Variants in RHOA observed in about 807,000 individuals in gnomAD.
The protein encoded by RHOA is transforming protein RhoA.
RHOA carries 3 observed loss-of-function variants against 17.5 expected under a neutral mutation model. The observed-to-expected ratio is 0.17, with a 90% CI of 0.08 to 0.44. RHOA has a LOEUF of 0.44. Among genes scored for constraint, RHOA ranks in the 20% least tolerant of loss-of-function variants. RHOA has a pLI of 0.99. For synonymous variants in RHOA, 98 were observed against 88.4 expected (o/e 1.11, Z -0.61); for missense variants, 56 against 242.3 (o/e 0.23, Z 5.10).
At chr3:49,388,011 T>C (rs1402097808) in intron 1 of RHOA, among the ~76,000 whole-genome samples, 1 of 151,820 alleles carries the variant, frequency 6.6e-6, no homozygotes, top group East Asian at 1.9e-4. Flanking sequence ...CTTTCTCTTT[T>C]TTTTTTTTTC....
intron 1 of RHOA, among the ~76,000 whole-genome samples, chr3:49,400,670 A>AT (rs1359785577): frequency 6.6e-6 from 1 of 151,464 alleles, no homozygotes. Context: ...GCAGTGAGCT[A>AT]TGATCATGCC....
chr3:49,409,559 C>T (rs2048897908), intron 1 of RHOA, among the ~76,000 whole-genome samples: 1 of 152,124 alleles, frequency 6.6e-6, no homozygotes, highest in Non-Finnish European at 1.5e-5. Flanking sequence ...GCTGATCAGT[C>T]TTTCTTCTCA....
chr3:49,393,392 A>AAC (rs1463097889), intron 1 of RHOA, among the ~76,000 whole-genome samples: 1 of 150,286 alleles, frequency 6.7e-6, no homozygotes, highest in Admixed American at 6.7e-5. Context: ...CTGCAGCCTC[A>AAC]ACCTCCCAGG....
chr3:49,408,012 T>C (rs2048863443), intron 1 of RHOA, among the ~76,000 whole-genome samples: 1 of 151,858 alleles, frequency 6.6e-6, no homozygotes, highest in African/African-American at 2.4e-5. Context: ...ATACAAAAAT[T>C]AGCTGAGCAC....
chr3:49,376,576 G>C (rs925077148), intron 1 of RHOA, among the ~76,000 whole-genome samples: 2 of 147,882 alleles, frequency 1.4e-5, no homozygotes, highest in Non-Finnish European at 1.5e-5. Context: ...CCAGGAGACA[G>C]AGCTTGCAGT....
intron 3 of RHOA, among the ~76,000 whole-genome samples, chr3:49,362,912 T>C (rs943645695): frequency 1.1e-4 from 16 of 152,020 alleles, no homozygotes; most frequent in African/African-American, 3.9e-4. Context: ...CAACACAAGG[T>C]AGTTTCACGG....
At chr3:49,362,023 TA>T (rs879621290) in intron 4 of RHOA, among the ~76,000 whole-genome samples, 475 of 140,096 alleles carry the variant, frequency 3.4e-3, no homozygotes, top group African/African-American at 4.0e-3. Flanking sequence ...CCCCATCTAT[TA>T]AAAAAAAAAA....
intron 1 of RHOA, among the ~76,000 whole-genome samples, chr3:49,410,033 G>C (rs370835418): frequency 6.6e-6 from 1 of 152,154 alleles, no homozygotes; most frequent in Non-Finnish European, 1.5e-5. Flanking sequence ...ATTGAAGGCA[G>C]GACCATCCAG....
intron 1 of RHOA, among the ~76,000 whole-genome samples, chr3:49,376,598 G>A (rs936535099): frequency 4.0e-5 from 6 of 148,876 alleles, no homozygotes; most frequent in Admixed American, 6.7e-5. Flanking sequence ...AGCCAAGATC[G>A]GGCCACTGCA....
chr3:49,376,112 A>AT (rs1385706717), intron 1 of RHOA, among the ~76,000 whole-genome samples: 1 of 151,946 alleles, frequency 6.6e-6, no homozygotes, highest in East Asian at 2.0e-4. Context: ...AAGTGCTGGG[A>AT]TTACAGGCGT....
At chr3:49,384,800 C>T (rs2048370280) in intron 1 of RHOA, among the ~76,000 whole-genome samples, 1 of 152,054 alleles carries the variant, frequency 6.6e-6, no homozygotes, top group South Asian at 2.1e-4. Flanking sequence ...GTGGCTCACG[C>T]CTGTAATCCA....
chr3:49,362,711 A>C (rs1419985095), intron 3 of RHOA, 85 bp from the exon 4 acceptor site: 1 of 1,161,740 alleles, frequency 8.6e-7, no homozygotes, highest in Admixed American at 2.3e-5. Flanking sequence ...TTGCAGAGAC[A>C]CTTTCTTTGT....
At position 49,410,678 on chromosome 3, in the gene RHOA, A is replaced by G. The variant is rs996854577; in HGVS notation, c.-3+1142T>C. On this transcript the variant is annotated intron_variant, in intron 1 of 4. Transcript: ENST00000418115. ...GGTGACAATCATCCGCATGGTACAC[A>G]TTACACATCTGGGTGATACTAAGTG... 2.6e-5 allele frequency among the ~76,000 whole-genome samples: 4 copies of G among 152,244 alleles called. No individual in the cohort carries two copies. The South Asian group carries it at 6.2e-4, about 24-fold the overall frequency.
rs1226669996 is a variant in RHOA at position 49,391,790 on chromosome 3, C to T, written c.-2-16199G>A. ...CCTCCCAAAGTGCTGGGATTACAGG[C>T]GTGAGCCACTGTGCCCGGCCTAATT... On this transcript the variant is annotated intron_variant, in intron 1 of 4. Coordinates refer to ENST00000418115, the MANE Select transcript of RHOA (RefSeq NM_001664.4). 4.7e-5 allele frequency among the ~76,000 whole-genome samples: 7 copies of T among 149,072 alleles called. No homozygotes were observed. In the South Asian group the frequency reaches 6.4e-4, roughly 14 times the overall value.
chr3:49,368,875 T>C (rs1340979939), intron 2 of RHOA, among the ~76,000 whole-genome samples: 3 of 150,732 alleles, frequency 2.0e-5, no homozygotes, highest in African/African-American at 7.3e-5. Flanking sequence ...ACCCGGCTAA[T>C]TTTTTGTATT....
At chr3:49,380,742 A>G (rs370240294) in intron 1 of RHOA, among the ~76,000 whole-genome samples, 1 of 149,536 alleles carries the variant, frequency 6.7e-6, no homozygotes, top group Admixed American at 6.7e-5. Context: ...TCAAAACTAT[A>G]TTGTCTAAAG....
chr3:49,403,037 A>AT (rs1184425665), intron 1 of RHOA, among the ~76,000 whole-genome samples: 19 of 75,374 alleles, frequency 2.5e-4, no homozygotes, highest in East Asian at 2.4e-3. Flanking sequence ...ATTCCATCTC[A>AT]TAAAAAAAAA....
chr3:49,381,881 A>T (rs533772271), intron 1 of RHOA, among the ~76,000 whole-genome samples: 30 of 151,222 alleles, frequency 2.0e-4, no homozygotes, highest in African/African-American at 6.6e-4. Flanking sequence ...AAAAAAAGAC[A>T]GAGAGTGAAG....
chr3:49,365,079 T>G (rs1010383839), intron 3 of RHOA: 1 of 152,200 alleles, frequency 6.6e-6, no homozygotes, highest in Admixed American at 6.6e-5. Flanking sequence ...GTTGTTATTT[T>G]CTGATTTACT....
Sources: allele counts gnomAD v4.1 joint callset (sites outside exome capture counted in the v4.1 genomes callset), GRCh38; gene constraint gnomAD v4.1.1; transcripts MANE v1.5; gene names NCBI Gene and HGNC (gene_info 2026-07-23, HGNC 2026-07-21).